Variants in PDPR observed in about 807,000 individuals in gnomAD.
PDPR encodes pyruvate dehydrogenase phosphatase regulatory subunit, mitochondrial.
PDPR carries 50 observed loss-of-function variants against 102.2 expected under a neutral mutation model. The observed-to-expected ratio is 0.49, with a 90% CI of 0.39 to 0.62. The LOEUF (loss-of-function observed/expected upper bound fraction) is 0.62. PDPR is among the 20% of genes least tolerant of loss of function. The probability of loss-of-function intolerance (pLI) is 0.00; values close to 1 mark genes in which losing one functional copy is unlikely to be tolerated. For synonymous variants in PDPR, 259 were observed against 406.0 expected (o/e 0.64, Z 4.35); for missense variants, 625 against 1,098.2 (o/e 0.57, Z 6.09).
intron 9 of PDPR, among the ~76,000 whole-genome samples, chr16:70,135,628 C>A (rs777943771): frequency 1.3e-5 from 2 of 152,264 alleles, no homozygotes; most frequent in Non-Finnish European, 2.9e-5. Flanking sequence ...TCTGTAGATA[C>A]GTTTTACTTG....
Position 70,159,114 on chromosome 16 carries a change from A to G in PDPR, c.*2235A>G, listed in dbSNP as rs1055985913. On this transcript the variant is annotated 3_prime_UTR_variant, in exon 19 of 19. Transcript: ENST00000288050. ...TTAGTCAAATAGAAGCTTCATCAGA[A>G]ATGTATCCCACATAGAGTTTTAAGA... The G allele has an allele frequency of 3.9e-5, 6 of 152,330 alleles. No homozygotes were observed. The highest frequency in any genetic ancestry group is 4.4e-5 in the Non-Finnish European group (3 of 68,072). The allele number at this position is 152,330 out of a possible 1,614,324, so 9.4% of individuals were successfully genotyped here.
At position 70,120,685 on chromosome 16, in the gene PDPR, G is replaced by C. The variant is rs1161391918; in HGVS notation, c.193G>C (p.Gly65Arg). 1.2e-6 allele frequency: 2 copies of C among 1,613,452 alleles called. No individual in the cohort carries two copies. Among genetic ancestry groups the C allele is most frequent in the South Asian group, 2.2e-5 (2 of 91,068 alleles). ...TSVAYHLSKM[G>R]WKDIVLLEQG... Reference sequence around the variant, plus strand: ...TGTGGCCTATCACCTCTCCAAAATGGGGTGGAAGGATATTGTCCTTTTGGA... The same window carrying C: ...TGTGGCCTATCACCTCTCCAAAATGCGGTGGAAGGATATTGTCCTTTTGGA... The change falls in exon 3 of 19, where the codon GGG becomes CGG. Residue 65 changes from glycine to arginine, a missense_variant. Physicochemically the swap from Gly to Arg is moderately radical, Grantham distance 125. Coordinates refer to ENST00000288050, the MANE Select transcript of PDPR (RefSeq NM_017990.5).
intron 18 of PDPR, among the ~76,000 whole-genome samples, chr16:70,155,165 C>G (rs1371989646): frequency 1.3e-5 from 2 of 152,048 alleles, no homozygotes; most frequent in Non-Finnish European, 2.9e-5. Flanking sequence ...GTACTCCCAC[C>G]TGGGTGACAG....
At chr16:70,120,369 A>G in intron 2 of PDPR, 92 bp from the exon 3 acceptor site, 6 of 717,178 alleles carry the variant, frequency 8.4e-6, no homozygotes, top group Admixed American at 4.8e-5. Context: ...TATTTGCTGA[A>G]TGAATGGCTA....
chr16:70,128,299 C>A (rs1487765050), intron 4 of PDPR, among the ~76,000 whole-genome samples: 5 of 152,300 alleles, frequency 3.3e-5, no homozygotes, highest in African/African-American at 1.2e-4. Flanking sequence ...GCAATTTTGA[C>A]CCACTGCAAC....
chr16:70,130,996 T>C (rs1964486491), intron 7 of PDPR, among the ~76,000 whole-genome samples: 1 of 152,266 alleles, frequency 6.6e-6, no homozygotes, highest in South Asian at 2.1e-4. Flanking sequence ...GTTCATTTAG[T>C]GATTGCTATT....
At chr16:70,162,861 C>T (rs2152132499), downstream of PDPR, among the ~76,000 whole-genome samples, 1 of 152,404 alleles carries the variant, frequency 6.6e-6, no homozygotes, top group African/African-American at 2.4e-5. Context: ...GTCGTGTTCT[C>T]ACCCTGTGGA....
At chr16:70,133,779 G>T (rs1457050203) in intron 9 of PDPR, among the ~76,000 whole-genome samples, 2 of 151,540 alleles carry the variant, frequency 1.3e-5, no homozygotes, top group African/African-American at 4.9e-5. Flanking sequence ...TGTTGCCCAG[G>T]CTCAAGTGCA....
At chr16:70,142,100 TAAAAAA>T in intron 11 of PDPR, 128 bp from the exon 12 acceptor site, 1 of 897,118 alleles carries the variant, frequency 1.1e-6, no homozygotes, top group Non-Finnish European at 1.6e-6. Flanking sequence ...AACTCCGTCT[TAAAAAA>T]AAAAAAAAAC....
chr16:70,141,954 G>A (rs1156481561), intron 11 of PDPR, among the ~76,000 whole-genome samples: 1 of 152,270 alleles, frequency 6.6e-6, no homozygotes, highest in Non-Finnish European at 1.5e-5. Context: ...ACAAAAATTA[G>A]TGTGGCACGG....
At chr16:70,155,053 A>G (rs957984184) in intron 18 of PDPR, among the ~76,000 whole-genome samples, 2 of 152,164 alleles carry the variant, frequency 1.3e-5, no homozygotes, top group Non-Finnish European at 2.9e-5. Context: ...TTAGCTGGGC[A>G]TGGTGGCAGG....
At chr16:70,133,986 G>C (rs1339503515) in intron 9 of PDPR, among the ~76,000 whole-genome samples, 3 of 152,356 alleles carry the variant, frequency 2.0e-5, no homozygotes, top group African/African-American at 4.8e-5. Flanking sequence ...GCCCGCCTTG[G>C]CCTCCCAAAG....
chr16:70,147,943 C>A (rs1157047916), intron 16 of PDPR, among the ~76,000 whole-genome samples: 1 of 152,206 alleles, frequency 6.6e-6, no homozygotes, highest in Non-Finnish European at 1.5e-5. Flanking sequence ...TTTATAGGAA[C>A]GGTGATTGCG....
chr16:70,146,864 CAAAAA>C (rs1202287694), intron 16 of PDPR, among the ~76,000 whole-genome samples: 1 of 57,448 alleles, frequency 1.7e-5, no homozygotes, highest in African/African-American at 5.7e-5. Flanking sequence ...AAGACTGTCT[CAAAAA>C]AAAAAAAAAA....
chr16:70,122,868 C>T, intron 3 of PDPR, among the ~76,000 whole-genome samples: 1 of 149,722 alleles, frequency 6.7e-6, no homozygotes, highest in East Asian at 1.9e-4. Context: ...CACACACACA[C>T]CAGTTTAGAC....
chr16:70,141,786 T>C (rs766499269), intron 11 of PDPR, among the ~76,000 whole-genome samples: 1 of 152,270 alleles, frequency 6.6e-6, no homozygotes, highest in Non-Finnish European at 1.5e-5. Flanking sequence ...CTGGGTAATT[T>C]TGAAAATTAG....
intron 2 of PDPR, among the ~76,000 whole-genome samples, chr16:70,116,625 A>G (rs1253233661): frequency 6.7e-6 from 1 of 148,904 alleles, no homozygotes; most frequent in Non-Finnish European, 1.5e-5. Context: ...ACAAACGGGA[A>G]CTGGTTAGTG....
intron 17 of PDPR, among the ~76,000 whole-genome samples, chr16:70,151,627 A>T (rs1966747301): frequency 6.6e-6 from 1 of 152,288 alleles, no homozygotes; most frequent in Non-Finnish European, 1.5e-5. Flanking sequence ...AAACCTCATC[A>T]GGAAGGGGAG....
intron 9 of PDPR, among the ~76,000 whole-genome samples, chr16:70,135,516 T>C (rs1294354764): frequency 5.9e-5 from 9 of 152,368 alleles, no homozygotes; most frequent in Admixed American, 3.9e-4. Context: ...GGGTTACAAA[T>C]GCAAGCCACC....
Sources: gnomAD v4.1 joint callset for allele counts (sites outside exome capture counted in the v4.1 genomes callset) on GRCh38, gnomAD v4.1.1 for gene constraint, MANE v1.5 for transcripts, NCBI Gene and HGNC (gene_info 2026-07-23, HGNC 2026-07-21) for gene names.